Variants in TENM4 observed in about 807,000 individuals in gnomAD.
TENM4 encodes teneurin-4.
A neutral mutation model predicts 243.3 loss-of-function variants in TENM4; 82 were observed. That is an observed-to-expected ratio of 0.34 (90% CI 0.28 to 0.40). TENM4 has a LOEUF of 0.40. Among genes scored for constraint, TENM4 ranks in the 10% least tolerant of loss-of-function variants. TENM4 has a pLI of 1.00. For synonymous variants in TENM4, 1,412 were observed against 1,456.3 expected, an observed-to-expected ratio of 0.97 and a Z score of 0.69; for missense variants, 3,138 against 3,673.3, an observed-to-expected ratio of 0.85 and a Z score of 3.77.
At chr11:78,725,184 T>A (rs879349159) in intron 23 of TENM4, among the ~76,000 whole-genome samples, 4 of 152,232 alleles carry the variant, frequency 2.6e-5, no homozygotes, top group African/African-American at 4.8e-5. Flanking sequence ...ATGGTTTTTC[T>A]AGGATAGCTT....
At position 79,110,182 on chromosome 11, in the gene TENM4, C is replaced by T. The variant is rs115330720; in HGVS notation, c.-66+38528G>A. ...CCATCATCATCATAACACAGACTGC[C>T]GCCCACCTGATTATAAGGGGACCCT... On this transcript the variant is annotated intron_variant, in intron 4 of 33. Transcript: ENST00000278550. Among the ~76,000 whole-genome samples, 586 of 152,290 alleles carry T rather than the reference C, an allele frequency of 3.8e-3. 3 individuals carry two copies. Among genetic ancestry groups the T allele is most frequent in the African/African-American group, 0.013 (560 of 41,552 alleles).
chr11:78,687,688 C>A (rs1858719799), intron 29 of TENM4, among the ~76,000 whole-genome samples: 2 of 152,124 alleles, frequency 1.3e-5, no homozygotes, highest in African/African-American at 2.4e-5. Context: ...TAATCAAATC[C>A]CTTTCATAAT....
At chr11:78,690,196 G>A (rs1172566725) in intron 28 of TENM4, among the ~76,000 whole-genome samples, 1 of 152,198 alleles carries the variant, frequency 6.6e-6, no homozygotes. Context: ...AGAGCTAAGT[G>A]AGCAGTAGTT....
At chr11:78,909,509 T>G (rs1009535067) in intron 6 of TENM4, among the ~76,000 whole-genome samples, 1 of 152,212 alleles carries the variant, frequency 6.6e-6, no homozygotes, top group Non-Finnish European at 1.5e-5. Context: ...CATTCTTTTT[T>G]GTGTGCATTC....
At chr11:79,044,420 G>A (rs187579998) in intron 6 of TENM4, among the ~76,000 whole-genome samples, 5 of 152,290 alleles carry the variant, frequency 3.3e-5, no homozygotes, top group African/African-American at 9.6e-5. Flanking sequence ...AGGGTGGGGC[G>A]CATAGGAGGC....
intron 12 of TENM4, among the ~76,000 whole-genome samples, chr11:78,827,129 A>G (rs992690674): frequency 1.3e-5 from 2 of 152,206 alleles, no homozygotes; most frequent in Non-Finnish European, 2.9e-5. Context: ...TGAAATAATG[A>G]TTTGCTATAT....
chr11:79,085,157 G>A (rs143018384), intron 4 of TENM4, among the ~76,000 whole-genome samples: 1,698 of 152,062 alleles, frequency 0.011, 36 homozygotes, highest in African/African-American at 0.039. Flanking sequence ...TGGATCACGA[G>A]GTCAGGAGAT....
At chr11:78,759,700 C>G (rs1378440096) in intron 18 of TENM4, among the ~76,000 whole-genome samples, 1 of 152,188 alleles carries the variant, frequency 6.6e-6, no homozygotes, top group East Asian at 1.9e-4. Context: ...TGAATTGCCA[C>G]ATTTATTGAG....
At position 78,815,782 on chromosome 11, in the gene TENM4, A is replaced by G. The variant is rs150111681; in HGVS notation, c.1682-1387T>C. Among the ~76,000 whole-genome samples the G allele has an allele frequency of 2.4e-3, 366 of 152,334 alleles. 2 individuals are homozygous for G. The highest frequency in any genetic ancestry group is 7.9e-3 in the African/African-American group (327 of 41,582). Reference sequence around the variant, plus strand: ...TACATATTGTTATTCCTATTTTACAACAAAACAAAACAAAACAAAACCAAC... The same window carrying G: ...TACATATTGTTATTCCTATTTTACAGCAAAACAAAACAAAACAAAACCAAC... On this transcript the variant is annotated intron_variant, in intron 12 of 33. Coordinates refer to ENST00000278550, the MANE Select transcript of TENM4 (RefSeq NM_001098816.3).
At chr11:78,715,756 G>T (rs537465039) in intron 25 of TENM4, among the ~76,000 whole-genome samples, 1 of 152,220 alleles carries the variant, frequency 6.6e-6, no homozygotes, top group Admixed American at 6.5e-5. Context: ...CAGGCTTGTC[G>T]TTGGGATCAA....
At chr11:78,929,453 G>C (rs961041061) in intron 6 of TENM4, among the ~76,000 whole-genome samples, 2 of 152,194 alleles carry the variant, frequency 1.3e-5, no homozygotes, top group East Asian at 3.8e-4. Flanking sequence ...AAAACTCACA[G>C]GTTCAGAAGA....
At chr11:78,961,966 C>G (rs1857335621) in intron 6 of TENM4, among the ~76,000 whole-genome samples, 2 of 152,156 alleles carry the variant, frequency 1.3e-5, no homozygotes, top group Admixed American at 6.5e-5. Context: ...ACTCCAGCGG[C>G]GCCGCGGGGC....
At chr11:78,936,335 A>C (rs1306033131) in intron 6 of TENM4, among the ~76,000 whole-genome samples, 1 of 152,218 alleles carries the variant, frequency 6.6e-6, no homozygotes, top group Non-Finnish European at 1.5e-5. Context: ...GGTTGTTTAC[A>C]GTTTATTATC....
chr11:78,732,219 C>G, intron 21 of TENM4, 97 bp downstream of exon 21: 1 of 1,488,850 alleles, frequency 6.7e-7, no homozygotes, highest in Non-Finnish European at 9.0e-7. Context: ...CCAAGCCCTA[C>G]AGAGGTGTTT....
At chr11:79,129,982 T>C (rs1215134240) in intron 4 of TENM4, among the ~76,000 whole-genome samples, 2 of 152,052 alleles carry the variant, frequency 1.3e-5, no homozygotes, top group Non-Finnish European at 2.9e-5. Context: ...ACAGAGTCCA[T>C]TGCAACCCCC....
chr11:79,075,690 C>T (rs566337820), intron 4 of TENM4, among the ~76,000 whole-genome samples: 182 of 152,302 alleles, frequency 1.2e-3, no homozygotes, highest in African/African-American at 4.1e-3. Context: ...CCAATCAAGA[C>T]GAAGAGCATG....
intron 19 of TENM4, among the ~76,000 whole-genome samples, chr11:78,745,227 CTT>C (rs1783943): frequency 2.0e-4 from 25 of 128,002 alleles, no homozygotes; most frequent in Admixed American, 3.1e-4. Flanking sequence ...TTTTCTTTTT[CTT>C]TTTTTTTTTT....
At chr11:78,915,864 A>G (rs1245188789) in intron 6 of TENM4, among the ~76,000 whole-genome samples, 1 of 152,216 alleles carries the variant, frequency 6.6e-6, no homozygotes, top group African/African-American at 2.4e-5. Context: ...AGCCATCAGT[A>G]ATTTTGAAGA....
intron 12 of TENM4, among the ~76,000 whole-genome samples, chr11:78,823,307 G>C (rs1351948675): frequency 6.6e-6 from 1 of 152,190 alleles, no homozygotes; most frequent in Non-Finnish European, 1.5e-5. Flanking sequence ...ACCTCGCCCC[G>C]TTCCCACTGC....
Sources: gnomAD v4.1 joint callset for allele counts (sites outside exome capture counted in the v4.1 genomes callset) on GRCh38, gnomAD v4.1.1 for gene constraint, MANE v1.5 for transcripts, NCBI Gene and HGNC (gene_info 2026-07-23, HGNC 2026-07-21) for gene names.